The following OSBPL1A variants were observed in gnomAD, a reference collection of about 807,000 sequenced individuals.
OSBPL1A encodes the protein oxysterol binding protein like 1A.
Under a neutral mutation model 137.1 loss-of-function variants are expected in OSBPL1A, and 80 were observed. The observed-to-expected ratio is 0.58, with a 90% CI of 0.49 to 0.70. The LOEUF (loss-of-function observed/expected upper bound fraction) is 0.70. Among genes scored for constraint, OSBPL1A ranks in the 30% least tolerant of loss-of-function variants. OSBPL1A has a pLI of 0.00. For synonymous variants in OSBPL1A, 365 were observed against 389.7 expected (o/e 0.94, Z 0.75); for missense variants, 970 against 1,129.4 (o/e 0.86, Z 2.02).
At chr18:24,275,456 G>A (rs1310745276) in intron 15 of OSBPL1A, among the ~76,000 whole-genome samples, 1 of 152,172 alleles carries the variant, frequency 6.6e-6, no homozygotes, top group African/African-American at 2.4e-5. Context: ...GAAGGCCAGA[G>A]ACGGGTGCAG....
intron 15 of OSBPL1A, among the ~76,000 whole-genome samples, chr18:24,266,101 C>G (rs866217983): frequency 1.3e-5 from 2 of 152,192 alleles, no homozygotes; most frequent in Non-Finnish European, 1.5e-5. Flanking sequence ...GACAAAAGAA[C>G]GTGAGCCTTG....
chr18:24,266,774 G>A (rs1399448051), intron 15 of OSBPL1A, among the ~76,000 whole-genome samples: 3 of 151,800 alleles, frequency 2.0e-5, no homozygotes, highest in African/African-American at 4.9e-5. Flanking sequence ...ATAAACCAAC[G>A]GCTAAAGCTA....
chr18:24,339,683 A>AG (rs2146152501), intron 5 of OSBPL1A, among the ~76,000 whole-genome samples: 1 of 152,348 alleles, frequency 6.6e-6, no homozygotes, highest in Non-Finnish European at 1.5e-5. Flanking sequence ...ACAGTACCTC[A>AG]TCCTCCCTAT....
At chr18:24,341,116 C>T (rs2091266925) in intron 5 of OSBPL1A, among the ~76,000 whole-genome samples, 1 of 152,132 alleles carries the variant, frequency 6.6e-6, no homozygotes, top group African/African-American at 2.4e-5. Context: ...CTCCCTCCGC[C>T]TCCCAAGTAG....
intron 14 of OSBPL1A, among the ~76,000 whole-genome samples, chr18:24,298,370 T>G (rs1325913425): frequency 3.3e-5 from 5 of 152,142 alleles, no homozygotes; most frequent in Admixed American, 2.0e-4. Flanking sequence ...TGCCCTGAGT[T>G]CTTTCTTGCT....
At position 24,387,286 on chromosome 18, in the gene OSBPL1A, C is replaced by A. The variant is rs1321656486; in HGVS notation, c.-2-9751G>T. On this transcript the variant is annotated intron_variant, in intron 1 of 27. Coordinates refer to ENST00000319481, the MANE Select transcript of OSBPL1A (RefSeq NM_080597.4). ...GCCCATGCTGGTCTTGAATCCTGGG[C>A]TCAAGCGATCCACCTGCCTTGGTCT... Among the ~76,000 whole-genome samples the A allele has an allele frequency of 2.0e-5, 3 of 152,046 alleles. No homozygotes were observed. The East Asian group carries it at 5.8e-4, about 29-fold the overall frequency.
intron 15 of OSBPL1A, among the ~76,000 whole-genome samples, chr18:24,265,812 C>T (rs937119355): frequency 1.3e-5 from 2 of 152,164 alleles, no homozygotes; most frequent in African/African-American, 4.8e-5. Flanking sequence ...AGGGGAAAGA[C>T]ATCTCCCCTG....
chr18:24,163,566 A>C (rs1254615888), intron 27 of OSBPL1A, among the ~76,000 whole-genome samples: 1 of 152,190 alleles, frequency 6.6e-6, no homozygotes, highest in Non-Finnish European at 1.5e-5. Flanking sequence ...GGTTGGCTCG[A>C]AACAATGTAT....
At chr18:24,166,739 A>G (rs1599420142) in intron 25 of OSBPL1A, 37 bp from the exon 26 acceptor site, 1 of 1,593,176 alleles carries the variant, frequency 6.3e-7, no homozygotes, top group South Asian at 1.1e-5. Flanking sequence ...AAAATATGCC[A>G]AGGCATAATG....
chr18:24,205,932 C>T (rs1481014342), intron 17 of OSBPL1A, among the ~76,000 whole-genome samples: 1 of 152,188 alleles, frequency 6.6e-6, no homozygotes, highest in African/African-American at 2.4e-5. Context: ...GATCTGTCAC[C>T]CAGGCTGGAG....
chr18:24,310,526 C>T (rs2090601054), intron 13 of OSBPL1A, among the ~76,000 whole-genome samples: 1 of 147,038 alleles, frequency 6.8e-6, no homozygotes, highest in African/African-American at 2.5e-5. Context: ...GGCGTGAACC[C>T]TGGAGGTGGA....
At chr18:24,312,856 C>T (rs979258344) in intron 12 of OSBPL1A, among the ~76,000 whole-genome samples, 3 of 152,200 alleles carry the variant, frequency 2.0e-5, no homozygotes, top group Non-Finnish European at 4.4e-5. Context: ...TAAGAATAGG[C>T]CTGCCGCGGT....
chr18:24,352,386 AAAT>A (rs2146172938), intron 4 of OSBPL1A, among the ~76,000 whole-genome samples: 1 of 152,294 alleles, frequency 6.6e-6, no homozygotes, highest in South Asian at 2.1e-4. Flanking sequence ...AGAAAATCTA[AAAT>A]TAGAAAAATA....
chr18:24,353,614 C>A (rs1450161332), intron 4 of OSBPL1A, among the ~76,000 whole-genome samples: 2 of 151,248 alleles, frequency 1.3e-5, no homozygotes, highest in Non-Finnish European at 1.5e-5. Flanking sequence ...AAGACACATG[C>A]ACATGTATGT....
At chr18:24,319,618 T>C (rs56033359) in intron 7 of OSBPL1A, among the ~76,000 whole-genome samples, 20,558 of 152,130 alleles carry the variant, frequency 0.14, 1,462 homozygotes, top group Middle Eastern at 0.16. Context: ...ATGGAGTTTG[T>C]CTTATCAAAG....
chr18:24,311,421 G>A (rs986270693), intron 13 of OSBPL1A: 2 of 973,122 alleles, frequency 2.1e-6, no homozygotes, highest in Non-Finnish European at 2.4e-6. Context: ...GAAAATTGAT[G>A]ACCCCTCAAA....
chr18:24,238,408 A>G (rs2088568558), intron 16 of OSBPL1A, among the ~76,000 whole-genome samples: 1 of 152,208 alleles, frequency 6.6e-6, no homozygotes, highest in African/African-American at 2.4e-5. Flanking sequence ...AAAAAATTTG[A>G]AAGTAAATTC....
chr18:24,368,242 A>G (rs1214100619), intron 3 of OSBPL1A, 45 bp downstream of exon 3: 13 of 1,435,944 alleles, frequency 9.1e-6, no homozygotes, highest in Non-Finnish European at 1.3e-5. Flanking sequence ...TTTCCATAAC[A>G]ATAATATTTA....
chr18:24,394,038 C>T (rs897801543), intron 1 of OSBPL1A, among the ~76,000 whole-genome samples: 3 of 152,138 alleles, frequency 2.0e-5, no homozygotes, highest in African/African-American at 7.2e-5. Context: ...AACTTTTTCT[C>T]TAACTTCCTC....
Sources: allele counts gnomAD v4.1 joint callset (sites outside exome capture counted in the v4.1 genomes callset), GRCh38; gene constraint gnomAD v4.1.1; transcripts MANE v1.5; gene names NCBI Gene and HGNC (gene_info 2026-07-23, HGNC 2026-07-21).